KIRREL3: variants seen among roughly 807,000 people sequenced by gnomAD.
KIRREL3 encodes the protein kin of IRRE-like protein 3.
Under a neutral mutation model 89.7 loss-of-function variants are expected in KIRREL3, and 36 were observed. The ratio of observed to expected loss-of-function variants is 0.40; its 90% CI spans 0.31 to 0.53. KIRREL3 has a LOEUF of 0.53. KIRREL3 is among the 20% of genes least tolerant of loss of function. The pLI is 0.49. For missense variants in KIRREL3, 864 were observed against 1,056.6 expected (o/e 0.82, Z 2.53); for synonymous variants, 445 against 441.4 (o/e 1.01, Z -0.10).
chr11:126,617,901 T>G (rs985544918), intron 1 of KIRREL3, among the ~76,000 whole-genome samples: 1 of 152,214 alleles, frequency 6.6e-6, no homozygotes, highest in Admixed American at 6.5e-5. Context: ...ATCTCAGAGG[T>G]AAAAAGCAGA....
chr11:126,483,892 G>A (rs1957283975), intron 4 of KIRREL3, among the ~76,000 whole-genome samples: 1 of 152,136 alleles, frequency 6.6e-6, no homozygotes, highest in Non-Finnish European at 1.5e-5. Flanking sequence ...TAAGACTCAG[G>A]CTATTGTCAC....
rs2134667051 is a variant in KIRREL3, at chr11:126,870,920, T to C, written c.55+129535A>G. 6.6e-6 allele frequency among the ~76,000 whole-genome samples: 1 copy of C among 152,230 alleles called. No individual in the cohort carries two copies. The highest frequency in any genetic ancestry group is 1.5e-5 in the Non-Finnish European group (1 of 68,002). On this transcript the variant is annotated intron_variant, in intron 1 of 16. Transcript: ENST00000525144. The surrounding 1 kb of genome is among the most constrained non-coding windows in gnomAD (Gnocchi z 4.4). Reference sequence around the variant, plus strand: ...TTTTCTGCCTACCTTACAGAAAGACTGGACCAAAACTGTTCTACATGGCCA... The same window carrying C: ...TTTTCTGCCTACCTTACAGAAAGACCGGACCAAAACTGTTCTACATGGCCA...
chr11:126,973,100 G>GAAAAA lies in KIRREL3; in HGVS notation c.55+27350_55+27354dup, dbSNP rs11449960. Among the ~76,000 whole-genome samples, 7 of 119,606 alleles carry GAAAAA rather than the reference G, an allele frequency of 5.9e-5. 1 individual carries two copies. The highest frequency in any genetic ancestry group is 2.8e-4 in the Admixed American group (3 of 10,766). The allele number at this position is 119,606 out of a possible 152,430, so 78.5% of individuals were successfully genotyped here. ...TCCACTGCCAACTCTAAGTTTTGAG[G>GAAAAA]AAAAAAAAAAAAAAAAAAAAGACAG... On this transcript the variant is annotated intron_variant, in intron 1 of 16. Coordinates refer to ENST00000525144, the MANE Select transcript of KIRREL3 (RefSeq NM_032531.4).
rs548013391 is a variant in KIRREL3 at position 126,883,959 on chromosome 11, C to T, written c.55+116496G>A. ...ATGGAAGCTTCTCAAAGACATGAGC[C>T]CCCTGTTCCTGCAGGTATTAAAGTG... is the stretch of plus-strand genomic sequence containing the variant. On this transcript the variant is annotated intron_variant, in intron 1 of 16. Transcript: ENST00000525144. The surrounding 1 kb of genome is among the most constrained non-coding windows in gnomAD (Gnocchi z 4.1). Among the ~76,000 whole-genome samples, 23 of 152,274 alleles carry T rather than the reference C, an allele frequency of 1.5e-4. No individual in the cohort carries two copies. In the South Asian group the frequency reaches 1.9e-3, roughly 12 times the overall value.
chr11:126,630,651 G>A (rs1383378370), intron 1 of KIRREL3, among the ~76,000 whole-genome samples: 1 of 152,204 alleles, frequency 6.6e-6, no homozygotes, highest in South Asian at 2.1e-4. Flanking sequence ...TAGGGTTTCT[G>A]ATCTTGGCTT....
intron 4 of KIRREL3, among the ~76,000 whole-genome samples, chr11:126,494,008 A>G (rs113418821): frequency 0.014 from 2,059 of 152,334 alleles, 26 homozygotes; most frequent in South Asian, 0.05. Context: ...AAACCCCAGT[A>G]ATGGAAATAA....
chr11:126,930,009 T>C (rs1308157928), intron 1 of KIRREL3, among the ~76,000 whole-genome samples: 2 of 150,144 alleles, frequency 1.3e-5, no homozygotes, highest in African/African-American at 4.9e-5. Flanking sequence ...AGGAGGGGTG[T>C]GTAATTTGTT....
chr11:126,863,395 G>GCGTGTT (rs1944772547), intron 1 of KIRREL3, among the ~76,000 whole-genome samples: 1 of 88,902 alleles, frequency 1.1e-5, no homozygotes, highest in South Asian at 4.1e-4. Context: ...GAGTGCGTGT[G>GCGTGTT]TGAGTGCGTG....
chr11:126,442,512 C>T (rs780897871), intron 10 of KIRREL3, among the ~76,000 whole-genome samples: 3 of 152,190 alleles, frequency 2.0e-5, no homozygotes, highest in African/African-American at 4.8e-5. Flanking sequence ...CCCCTTCCTG[C>T]AGATACCTGA....
intron 1 of KIRREL3, among the ~76,000 whole-genome samples, chr11:126,794,493 GCT>G (rs1302753510): frequency 6.6e-6 from 1 of 152,174 alleles, no homozygotes; most frequent in Non-Finnish European, 1.5e-5. Flanking sequence ...GATAATAAAA[GCT>G]CCCTCACAGG....
At chr11:126,556,007 G>T (rs546516928) in intron 2 of KIRREL3, among the ~76,000 whole-genome samples, 2 of 152,334 alleles carry the variant, frequency 1.3e-5, no homozygotes, top group South Asian at 4.1e-4. Context: ...CTTTCAAAGT[G>T]CTGGGATTAT....
chr11:126,451,072 TGTGTGTGC>T (rs1474449191), intron 7 of KIRREL3, among the ~76,000 whole-genome samples: 2 of 114,020 alleles, frequency 1.8e-5, no homozygotes, highest in African/African-American at 2.7e-5. Flanking sequence ...TGCATGTGCA[TGTGTGTGC>T]GTGTGTGCAT....
chr11:126,825,774 A>G (rs1943385087), intron 1 of KIRREL3, among the ~76,000 whole-genome samples: 1 of 152,188 alleles, frequency 6.6e-6, no homozygotes, highest in Non-Finnish European at 1.5e-5. Flanking sequence ...CAACCCAGTG[A>G]GGTAGGTACT....
In KIRREL3 at chr11:126,797,348, C is replaced by T. The variant is rs754708353; in HGVS notation, c.55+203107G>A. On this transcript the variant is annotated intron_variant, in intron 1 of 16. Transcript: ENST00000525144. This position sits in a 1 kb window ranked among gnomAD's most constrained non-coding sequence, Gnocchi z 4.9. Reference sequence around the variant, plus strand: ...AGCATCAAATGCATCTGATTCTCAGCGTAATATCTGGCACAGAGAAGCACT... The same window carrying T: ...AGCATCAAATGCATCTGATTCTCAGTGTAATATCTGGCACAGAGAAGCACT... 6.6e-6 allele frequency among the ~76,000 whole-genome samples: 1 copy of T among 152,162 alleles called. No homozygotes were observed. Among genetic ancestry groups the T allele is most frequent in the Non-Finnish European group, 1.5e-5 (1 of 68,042 alleles).
chr11:126,509,205 A>G (rs1313181386), intron 4 of KIRREL3, among the ~76,000 whole-genome samples: 3 of 152,138 alleles, frequency 2.0e-5, no homozygotes, highest in African/African-American at 7.2e-5. Context: ...TCATCATTTC[A>G]TGGGATATAC....
rs1015010344 is a variant in KIRREL3 at position 126,795,463 on chromosome 11, G to T, written c.55+204992C>A. On this transcript the variant is annotated intron_variant, in intron 1 of 16. Transcript: ENST00000525144. This position sits in a 1 kb window ranked among gnomAD's most constrained non-coding sequence, Gnocchi z 4.1. Reference sequence around the variant, plus strand: ...CTGCTCACTGCAACCTCCGCTTCCCGGATTCAAGCGATTCTCCTGCCTCAG... The same window carrying T: ...CTGCTCACTGCAACCTCCGCTTCCCTGATTCAAGCGATTCTCCTGCCTCAG... Among the ~76,000 whole-genome samples the T allele has an allele frequency of 6.6e-6, 1 of 152,230 alleles. No homozygotes were observed. The highest frequency in any genetic ancestry group is 1.9e-4 in the East Asian group (1 of 5,176).
rs1944428607 is a variant in KIRREL3, at chr11:126,640,523, A to G, written c.56-77611T>C. On this transcript the variant is annotated intron_variant, in intron 1 of 16. Transcript: ENST00000525144. This position sits in a 1 kb window ranked among gnomAD's most constrained non-coding sequence, Gnocchi z 4.9. ...AGAGAAGAATTTGGCCTCTGAATTA[A>G]GTCAGCTTTTTCCTTCTGGGCTGCT... 6.6e-6 allele frequency among the ~76,000 whole-genome samples: 1 copy of G among 152,224 alleles called. No individual in the cohort carries two copies. The highest frequency in any genetic ancestry group is 1.5e-5 in the Non-Finnish European group (1 of 68,036).
In KIRREL3 at chr11:126,476,783, C is replaced by G. The variant is rs1957080665; in HGVS notation, c.434-3317G>C. ...TGGAAGGGGGCTCCTCATTACCTCC[C>G]CATTCAGACTCGGCCAGGCTGGGCC... On this transcript the variant is annotated intron_variant, in intron 4 of 16. Transcript: ENST00000525144. This position sits in a 1 kb window ranked among gnomAD's most constrained non-coding sequence, Gnocchi z 6.4. 6.6e-6 allele frequency among the ~76,000 whole-genome samples: 1 copy of G among 152,138 alleles called. No individual in the cohort carries two copies. The highest frequency in any genetic ancestry group is 1.5e-5 in the Non-Finnish European group (1 of 68,028).
chr11:126,916,612 G>C (rs1947050687), intron 1 of KIRREL3, among the ~76,000 whole-genome samples: 1 of 152,146 alleles, frequency 6.6e-6, no homozygotes, highest in Non-Finnish European at 1.5e-5. Flanking sequence ...TTTAACTGCA[G>C]AAGTCTTTGC....
Sources: allele counts gnomAD v4.1 joint callset (sites outside exome capture counted in the v4.1 genomes callset), GRCh38; gene constraint gnomAD v4.1.1; non-coding constraint Gnocchi (gnomAD v3.1); transcripts MANE v1.5; gene names NCBI Gene and HGNC (gene_info 2026-07-23, HGNC 2026-07-21).